The following SGCD variants were observed in gnomAD, a reference collection of about 807,000 sequenced individuals.
The protein encoded by SGCD is delta-sarcoglycan.
A neutral mutation model predicts 36.6 loss-of-function variants in SGCD; 18 were observed. The ratio of observed to expected loss-of-function variants is 0.49; its 90% CI spans 0.34 to 0.73. SGCD has a LOEUF of 0.73. SGCD is among the 30% of genes least tolerant of loss of function. SGCD has a pLI of 0.01. For synonymous variants in SGCD, 133 were observed against 130.6 expected (o/e 1.02, Z -0.12); for missense variants, 387 against 346.7 (o/e 1.12, Z -0.92).
intron 1 of SGCD, among the ~76,000 whole-genome samples, chr5:155,922,646 A>G (rs1204591640): frequency 6.6e-6 from 1 of 152,094 alleles, no homozygotes; most frequent in Non-Finnish European, 1.5e-5. Context: ...GGCTTGAGAG[A>G]GAGTTTCTGT....
rs550458510 is a variant in SGCD at position 156,046,858 on chromosome 5, G to A, written c.-281-71020G>A. Among the ~76,000 whole-genome samples the A allele has an allele frequency of 3.3e-5, 5 of 152,254 alleles. No individual in the cohort carries two copies. In the South Asian group the frequency reaches 8.3e-4, roughly 25 times the overall value. On this transcript the variant is annotated intron_variant, in intron 1 of 9. Coordinates refer to the SGCD transcript ENST00000517913. ...CACTAAAAATGATTAAGCTTAGCAA[G>A]GAAGGCATGTCTAAAGCCAGATAGA...
intron 3 of SGCD, among the ~76,000 whole-genome samples, chr5:156,185,874 G>T (rs1208897091): frequency 0.047 from 1,105 of 23,578 alleles, 54 homozygotes; most frequent in African/African-American, 0.077. Flanking sequence ...GAGAGAGAGA[G>T]AGAGAGAGAG....
chr5:156,156,484 C>A (rs1012381181), intron 3 of SGCD, among the ~76,000 whole-genome samples: 45 of 151,378 alleles, frequency 3.0e-4, no homozygotes, highest in Non-Finnish European at 1.2e-4. Flanking sequence ...TAAAAATTAG[C>A]GTGGTGGCAT....
chr5:155,789,166 GTTAC>G, the SGCD span, among the ~76,000 whole-genome samples: 7 of 152,040 alleles, frequency 4.6e-5, no homozygotes, highest in Non-Finnish European at 8.8e-5. Flanking sequence ...GTCTCTTCAT[GTTAC>G]TTAATGATAC....
At chr5:156,490,070 A>G (rs1755867847) in intron 3 of SGCD, among the ~76,000 whole-genome samples, 1 of 152,082 alleles carries the variant, frequency 6.6e-6, no homozygotes, top group Non-Finnish European at 1.5e-5. Flanking sequence ...GATAAAGACT[A>G]TTATAAACAA....
the SGCD span, among the ~76,000 whole-genome samples, chr5:155,844,778 A>G: frequency 8.5e-5 from 13 of 152,290 alleles, no homozygotes; most frequent in Admixed American, 3.9e-4. Context: ...AAACAGTAGT[A>G]TATGAAGCGG....
intron 3 of SGCD, among the ~76,000 whole-genome samples, chr5:156,205,155 C>G (rs1764245384): frequency 6.6e-6 from 1 of 152,040 alleles, no homozygotes; most frequent in Non-Finnish European, 1.5e-5. Flanking sequence ...GACTTCAGAA[C>G]TTCCAGACAC....
the SGCD span, among the ~76,000 whole-genome samples, chr5:155,732,176 T>C: frequency 3.9e-5 from 6 of 152,208 alleles, no homozygotes; most frequent in South Asian, 2.1e-4. Context: ...GCATTCTTCA[T>C]GTACTATCTG....
chr5:156,752,280 GT>G (rs1757172307), intron 7 of SGCD, among the ~76,000 whole-genome samples: 1 of 152,180 alleles, frequency 6.6e-6, no homozygotes, highest in Admixed American at 6.5e-5. Flanking sequence ...ATTCCTAATA[GT>G]TGTTACTCCC....
At chr5:156,051,707 T>C (rs1383771430) in intron 1 of SGCD, among the ~76,000 whole-genome samples, 1 of 145,080 alleles carries the variant, frequency 6.9e-6, no homozygotes, top group Non-Finnish European at 1.6e-5. Context: ...CAAACAAATA[T>C]ATAAATGAGC....
chr5:156,554,520 G>T (rs892033755), intron 4 of SGCD, among the ~76,000 whole-genome samples: 1 of 149,876 alleles, frequency 6.7e-6, no homozygotes, highest in Non-Finnish European at 1.5e-5. Flanking sequence ...AAAACTGTTT[G>T]TGTATATATG....
intron 3 of SGCD, among the ~76,000 whole-genome samples, chr5:156,203,650 C>T (rs1764203106): frequency 6.6e-6 from 1 of 151,968 alleles, no homozygotes; most frequent in Admixed American, 6.6e-5. Flanking sequence ...TTGTAAAGTC[C>T]CTCAAAATAA....
At chr5:156,033,091 T>G (rs1759393146) in intron 1 of SGCD, among the ~76,000 whole-genome samples, 4 of 149,514 alleles carry the variant, frequency 2.7e-5, no homozygotes, top group Admixed American at 2.7e-4. Flanking sequence ...ATAATAAAAT[T>G]AAAAATAGAA....
rs139894633 is a variant in SGCD, at chr5:155,980,160, A to C, written c.-282+109736A>C. On this transcript the variant is annotated intron_variant, in intron 1 of 9. Transcript: ENST00000517913. ...CCCTGATCTTGGACTTCCAGCCTCC[A>C]AAACTGTGAGAAATACATTTTTGTT... 1.4e-3 allele frequency among the ~76,000 whole-genome samples: 215 copies of C among 152,310 alleles called. 1 individual carries two copies. The highest frequency in any genetic ancestry group is 4.9e-3 in the African/African-American group (203 of 41,576).
upstream of SGCD, among the ~76,000 whole-genome samples, chr5:156,323,925 T>C (rs1767739583): frequency 2.0e-5 from 3 of 152,226 alleles, no homozygotes; most frequent in Admixed American, 6.5e-5. Flanking sequence ...AGTGCCTACA[T>C]AGTTTGAGCA....
intron 3 of SGCD, among the ~76,000 whole-genome samples, chr5:156,136,054 A>G (rs1050153252): frequency 1.3e-5 from 2 of 152,200 alleles, no homozygotes; most frequent in Non-Finnish European, 2.9e-5. Flanking sequence ...CTGTTTATCT[A>G]GTTACTACCT....
chr5:156,007,770 C>T (rs942835879), intron 1 of SGCD, among the ~76,000 whole-genome samples: 4 of 152,050 alleles, frequency 2.6e-5, no homozygotes, highest in African/African-American at 9.7e-5. Context: ...TGTTATAAAA[C>T]AAAAACAAAC....
At chr5:156,412,013 A>G (rs1772787996) in intron 3 of SGCD, among the ~76,000 whole-genome samples, 1 of 152,228 alleles carries the variant, frequency 6.6e-6, no homozygotes, top group Non-Finnish European at 1.5e-5. Flanking sequence ...TGTTCCCTAA[A>G]GAGGAGAATT....
At chr5:156,346,429 G>A (rs1409248766) in intron 3 of SGCD, among the ~76,000 whole-genome samples, 1 of 152,080 alleles carries the variant, frequency 6.6e-6, no homozygotes, top group Non-Finnish European at 1.5e-5. Context: ...CCCTCAAGTA[G>A]ATAGAACTAG....
Sources: gnomAD v4.1 joint callset for allele counts (sites outside exome capture counted in the v4.1 genomes callset) on GRCh38, gnomAD v4.1.1 for gene constraint, MANE v1.5 for transcripts, NCBI Gene and HGNC (gene_info 2026-07-23, HGNC 2026-07-21) for gene names.